CSNK1G3: variants seen among roughly 807,000 people sequenced by gnomAD.
CSNK1G3 encodes the protein casein kinase I isoform gamma-3.
In CSNK1G3, 23 loss-of-function variants were observed where a neutral mutation model predicts 64.3. That is an observed-to-expected ratio of 0.36 (90% CI 0.26 to 0.51). The LOEUF is 0.51. Ranked by LOEUF, CSNK1G3 falls within the 20% of genes least tolerant of loss-of-function variation. The pLI is 0.96. For synonymous variants in CSNK1G3, 158 were observed against 162.2 expected (o/e 0.97, Z 0.20); for missense variants, 357 against 510.5 (o/e 0.70, Z 2.90).
chr5:123,599,744 G>C (rs957262178), intron 10 of CSNK1G3, among the ~76,000 whole-genome samples: 1 of 151,972 alleles, frequency 6.6e-6, no homozygotes, highest in Non-Finnish European at 1.5e-5. Flanking sequence ...CTGCAAAAGA[G>C]AGATTGTGGA....
chr5:123,597,720 A>G (rs756590080), intron 10 of CSNK1G3, among the ~76,000 whole-genome samples: 16 of 152,142 alleles, frequency 1.1e-4, no homozygotes, highest in Non-Finnish European at 2.1e-4. Context: ...CCAAGTTGAG[A>G]GTTACCAGGT....
At chr5:123,515,766 T>G (rs1391088259) in intron 1 of CSNK1G3, among the ~76,000 whole-genome samples, 1 of 152,174 alleles carries the variant, frequency 6.6e-6, no homozygotes, top group Admixed American at 6.5e-5. Flanking sequence ...CCTCTTAGTA[T>G]TCAAAAAGGA....
chr5:123,568,598 A>G (rs1374961018), intron 4 of CSNK1G3, among the ~76,000 whole-genome samples: 1 of 152,112 alleles, frequency 6.6e-6, no homozygotes, highest in Non-Finnish European at 1.5e-5. Flanking sequence ...TTCTTTGGCA[A>G]CTTCTTGTGT....
chr5:123,583,483 C>A (rs1327515956), intron 6 of CSNK1G3, among the ~76,000 whole-genome samples: 1 of 152,170 alleles, frequency 6.6e-6, no homozygotes, highest in Admixed American at 6.5e-5. Context: ...GCCTCAGCCT[C>A]CCGAGTAGCT....
At chr5:123,561,819 A>G (rs1253483268) in intron 4 of CSNK1G3, among the ~76,000 whole-genome samples, 2 of 152,100 alleles carry the variant, frequency 1.3e-5, no homozygotes, top group East Asian at 1.9e-4. Context: ...CTTCTGGATT[A>G]CCTAGTTCCA....
intron 4 of CSNK1G3, among the ~76,000 whole-genome samples, chr5:123,560,798 C>T (rs1410538090): frequency 6.6e-6 from 1 of 152,092 alleles, no homozygotes; most frequent in East Asian, 1.9e-4. Context: ...ATGGTGTTTT[C>T]TGGGGGCTTG....
chr5:123,581,471 C>G (rs916103474), intron 6 of CSNK1G3, among the ~76,000 whole-genome samples: 1 of 137,542 alleles, frequency 7.3e-6, no homozygotes, highest in African/African-American at 2.7e-5. Context: ...CTTTGATTTA[C>G]TTCTTTTGAC....
At chr5:123,565,261 A>C (rs1181978586) in intron 4 of CSNK1G3, among the ~76,000 whole-genome samples, 1 of 152,174 alleles carries the variant, frequency 6.6e-6, no homozygotes, top group African/African-American at 2.4e-5. Flanking sequence ...AGTGAAAAAA[A>C]CATATTTATG....
intron 1 of CSNK1G3, among the ~76,000 whole-genome samples, chr5:123,521,744 T>C (rs547201882): frequency 6.6e-6 from 1 of 152,184 alleles, no homozygotes; most frequent in East Asian, 1.9e-4. Flanking sequence ...CAGTCCTTGC[T>C]ATGGGCTGGG....
At chr5:123,612,069 C>A (rs569289479) in intron 12 of CSNK1G3, among the ~76,000 whole-genome samples, 1 of 152,200 alleles carries the variant, frequency 6.6e-6, no homozygotes, top group Non-Finnish European at 1.5e-5. Flanking sequence ...TCTCTAGGCT[C>A]TTGACTGGGT....
intron 1 of CSNK1G3, among the ~76,000 whole-genome samples, chr5:123,522,806 A>G (rs1778360197): frequency 6.6e-6 from 1 of 152,140 alleles, no homozygotes; most frequent in African/African-American, 2.4e-5. Context: ...GGTCAATTGT[A>G]CTTAGCATCC....
At chr5:123,531,342 T>G (rs1051436135) in intron 1 of CSNK1G3, among the ~76,000 whole-genome samples, 3 of 152,058 alleles carry the variant, frequency 2.0e-5, no homozygotes, top group Non-Finnish European at 2.9e-5. Flanking sequence ...AAGACTTAGT[T>G]TGCAGTCTTA....
chr5:123,514,004 A>G (rs956914738), intron 1 of CSNK1G3, among the ~76,000 whole-genome samples: 1 of 152,222 alleles, frequency 6.6e-6, no homozygotes, highest in African/African-American at 2.4e-5. Flanking sequence ...TAGTTGCACA[A>G]AAGATAAAAG....
intron 10 of CSNK1G3, among the ~76,000 whole-genome samples, chr5:123,596,679 C>G (rs1358461177): frequency 6.6e-6 from 1 of 152,048 alleles, no homozygotes; most frequent in East Asian, 1.9e-4. Flanking sequence ...TTGCTCGTTT[C>G]TCATTATTTC....
intron 1 of CSNK1G3, among the ~76,000 whole-genome samples, chr5:123,525,314 A>C (rs1232671176): frequency 7.5e-6 from 1 of 133,990 alleles, no homozygotes; most frequent in Non-Finnish European, 1.6e-5. Flanking sequence ...AGTTGTTTGC[A>C]TTTTTTTTTT....
At chr5:123,573,844 A>T (rs1788586521) in intron 5 of CSNK1G3, among the ~76,000 whole-genome samples, 1 of 148,282 alleles carries the variant, frequency 6.7e-6, no homozygotes, top group African/African-American at 2.5e-5. Context: ...ACCCTCAGAA[A>T]CATAGATTTT....
intron 6 of CSNK1G3, among the ~76,000 whole-genome samples, chr5:123,586,763 C>G (rs987640671): frequency 1.6e-4 from 25 of 152,156 alleles, no homozygotes; most frequent in Non-Finnish European, 2.8e-4. Context: ...TTATTGAAAA[C>G]AAGTGTATTA....
intron 1 of CSNK1G3, among the ~76,000 whole-genome samples, chr5:123,535,368 C>T (rs752490753): frequency 1.3e-5 from 2 of 151,786 alleles, no homozygotes; most frequent in Admixed American, 1.3e-4. Flanking sequence ...AAAGACTATT[C>T]GTAGGTCTAA....
rs187652133 is a variant in CSNK1G3, at chr5:123,568,237, C to G, written c.290-5156C>G. Reference sequence around the variant, plus strand: ...GGATACTTCTCAGATGTAATGGTTTCGCTGGGATTCAGAAAGCTGCAGTGG... The same window carrying G: ...GGATACTTCTCAGATGTAATGGTTTGGCTGGGATTCAGAAAGCTGCAGTGG... On this transcript the variant is annotated intron_variant, in intron 4 of 12. Transcript: ENST00000345990. Among the ~76,000 whole-genome samples the G allele has an allele frequency of 2.0e-5, 3 of 152,242 alleles. No individual in the cohort carries two copies. In the East Asian group the frequency reaches 5.8e-4, roughly 29 times the overall value.
Sources: gnomAD v4.1 joint callset for allele counts (sites outside exome capture counted in the v4.1 genomes callset) on GRCh38, gnomAD v4.1.1 for gene constraint, MANE v1.5 for transcripts, NCBI Gene and HGNC (gene_info 2026-07-23, HGNC 2026-07-21) for gene names.